The following TKTL2 variants were observed in gnomAD, a reference collection of about 807,000 sequenced individuals.
TKTL2 encodes the protein transketolase-like protein 2.
For synonymous variants in TKTL2, 259 were observed against 294.1 expected (o/e 0.88, Z 1.22); for missense variants, 825 against 799.4 (o/e 1.03, Z -0.39).
In TKTL2 at chr4:163,471,944, A is replaced by G. The variant is rs201179572; in HGVS notation, c.1791T>C (p.Pro597=). 6.2e-6 allele frequency: 10 copies of G among 1,609,392 alleles called. No homozygotes were observed. The Admixed American group carries it at 1.7e-4, about 27-fold the overall frequency. Reference sequence around the variant, plus strand: ...GCAATTCACTAGTTTTCCCACGTTGAGGCACTCCTGACACTGCCAGTTGAT... The same window carrying G: ...GCAATTCACTAGTTTTCCCACGTTGGGGCACTCCTGACACTGCCAGTTGAT... ...LVHQLAVSGV[P]QRGKTSELLD... Residue 597 remains proline (P), a synonymous_variant, in exon 1 of 1, where the codon CCT becomes CCC. Transcript: ENST00000280605.
rs139831361 is a variant in TKTL2, at chr4:163,473,290, G to A, written c.445C>T (p.Arg149Trp). Residue 149 changes from arginine to tryptophan, a missense_variant, in exon 1 of 1, where the codon CGG (arginine) becomes TGG (tryptophan). Arg to Trp is a moderately radical substitution (Grantham distance 101). Transcript: ENST00000280605. ...CCATCTCCCATAAGGCAGAACACCC[G>A]GTAGCTGGCCTTGTCAAGGTACTTG... ...TGKYLDKASY[R>W]VFCLMGDGES... 1.4e-5 allele frequency: 22 copies of A among 1,613,904 alleles called. 1 individual carries two copies. In the South Asian group the frequency reaches 2.0e-4, roughly 14 times the overall value.
At position 163,472,954 on chromosome 4, in the gene TKTL2, A is replaced by T; in HGVS notation, c.781T>A (p.Trp261Arg). ...TCTTTTGGCACTGGCTTTCCATGCC[A>T]ATTTTCTGCATCCTCAATATTTGGA... ...GIPNIEDAEN[W>R]HGKPVPKERA... The change falls in exon 1 of 1, where the codon TGG (tryptophan) becomes AGG (arginine). Residue 261 changes from tryptophan (W) to arginine (R), a missense_variant. By Grantham distance (101) the Trp-to-Arg change is moderately radical (BLOSUM62 -3). Transcript: ENST00000280605. The T allele has an allele frequency of 6.2e-7, 1 of 1,614,114 alleles. No individual in the cohort carries two copies. The highest frequency in any genetic ancestry group is 1.1e-5 in the South Asian group (1 of 91,060).
At position 163,471,408 on chromosome 4, in the gene TKTL2, T is replaced by C. The variant is rs2110747892; in HGVS notation, c.*446A>G. 6.6e-6 allele frequency: 1 copy of C among 152,618 alleles called. No individual in the cohort carries two copies. The highest frequency in any genetic ancestry group is 2.4e-5 in the African/African-American group (1 of 41,598). The allele number at this position is 152,618 out of a possible 1,614,324, so 9.5% of individuals were successfully genotyped here. A position where few individuals can be genotyped will look rare whatever the true frequency, so the allele number is the denominator to read the frequency against. ...TTATCTGTAAAACTGCAGGTATAAA[T>C]GGCATTATACAAAAGCTCAAACATC... On this transcript the variant is annotated 3_prime_UTR_variant, in exon 1 of 1. Transcript: ENST00000280605.
chr4:163,473,395 G>C lies in TKTL2; in HGVS notation c.340C>G (p.Pro114Ala), dbSNP rs762358941. 5.0e-6 allele frequency: 8 copies of C among 1,613,890 alleles called. No individual in the cohort carries two copies. Among genetic ancestry groups the C allele is most frequent in the Middle Eastern group, 1.6e-4 (1 of 6,062 alleles). The change falls in exon 1 of 1, where the codon CCC (proline) becomes GCC (alanine). Residue 114 changes from proline (P) to alanine (A), a missense_variant. Pro to Ala is a conservative substitution (Grantham distance 27, BLOSUM62 -1). Coordinates refer to ENST00000280605, the MANE Select transcript of TKTL2 (RefSeq NM_032136.5). ...GCCACGTCAACAAACGGCAATCGGG[G>C]GGTAGGGTGTCTCTCCAAGTCGCTG... The part of the protein sequence containing the change: ...LHSDLERHPT[P>A]RLPFVDVATG...
In TKTL2 at chr4:163,473,384, C is replaced by T. The variant is rs369284301; in HGVS notation, c.351G>A (p.Pro117=). ...DLERHPTPRL[P]FVDVATGSLG... ...GGGACCCTGTTGCCACGTCAACAAACGGCAATCGGGGGGTAGGGTGTCTCT... is the reference window on the plus strand; with the variant it reads ...GGGACCCTGTTGCCACGTCAACAAATGGCAATCGGGGGGTAGGGTGTCTCT... Residue 117 remains proline, a synonymous_variant, in exon 1 of 1, where the codon CCG becomes CCA. Transcript: ENST00000280605. 4.3e-6 allele frequency: 7 copies of T among 1,613,720 alleles called. No homozygotes were observed. In the Admixed American group the frequency reaches 5.0e-5, roughly 12 times the overall value.
Position 163,473,156 on chromosome 4 carries a change from A to G in TKTL2, c.579T>C (p.Pro193=). Residue 193 remains proline (P), a synonymous_variant, in exon 1 of 1, where the codon CCT becomes CCC. Coordinates refer to ENST00000280605, the MANE Select transcript of TKTL2 (RefSeq NM_032136.5). ...FDVNRLGQSG[P]APLEHGADIY... Reference sequence around the variant, plus strand: ...TGTCTGCGCCATGCTCAAGGGGTGCAGGGCCACTTTGTCCCAAGCGGTTCA... The same window carrying G: ...TGTCTGCGCCATGCTCAAGGGGTGCGGGGCCACTTTGTCCCAAGCGGTTCA... The G allele has an allele frequency of 1.9e-6, 3 of 1,614,028 alleles. No homozygotes were observed. In the Admixed American group the frequency reaches 5.0e-5, roughly 27 times the overall value.
In TKTL2 at chr4:163,472,560, G is replaced by A. The variant is rs374194544; in HGVS notation, c.1175C>T (p.Ala392Val). 8.7e-6 allele frequency: 14 copies of A among 1,614,142 alleles called. No individual in the cohort carries two copies. The East Asian group carries it at 2.9e-4, about 33-fold the overall frequency. ...TRGRTIAFAGAFAAFFTRAFD... is the reference protein window; with the variant it reads ...TRGRTIAFAGVFAAFFTRAFD... ...TGCTCTAGTAAAAAAGGCAGCAAAA[G>A]CACCAGCAAAAGCAATGGTTCGACC... The change falls in exon 1 of 1, where the codon GCT becomes GTT. Residue 392 changes from alanine to valine, a missense_variant. By Grantham distance (64) the Ala-to-Val change is moderately conservative. Coordinates refer to ENST00000280605, the MANE Select transcript of TKTL2 (RefSeq NM_032136.5).
rs1560904816 is a variant in TKTL2, at chr4:163,473,662, T to C, written c.73A>G (p.Ile25Val). ...VLRDTANRLR[I>V]HSIRATCASG... ...GCACACGTGGCCCTGATGGAATGGATCCGCAGGCGGTTGGCTGTGTCCCGC... is the reference window on the plus strand; with the variant it reads ...GCACACGTGGCCCTGATGGAATGGACCCGCAGGCGGTTGGCTGTGTCCCGC... Residue 25 changes from isoleucine (I) to valine (V), a missense_variant, in exon 1 of 1, where the codon ATC becomes GTC. Physicochemically the swap from Ile to Val is conservative, Grantham distance 29 (BLOSUM62 3). Coordinates refer to ENST00000280605, the MANE Select transcript of TKTL2 (RefSeq NM_032136.5). 2 of 1,614,108 alleles carry C rather than the reference T, an allele frequency of 1.2e-6. No individual in the cohort carries two copies. The highest frequency in any genetic ancestry group is 2.2e-5 in the South Asian group (2 of 91,078).
chr4:163,473,740 T>C lies in TKTL2; in HGVS notation c.-6A>G. ...TTGGCGTCGTTGGCCATCATCTCTC[T>C]TTTGTCGGTTTGGCAAAGCAAACGG... On this transcript the variant is annotated 5_prime_UTR_variant, in exon 1 of 1. Transcript: ENST00000280605. 6.3e-7 allele frequency: 1 copy of C among 1,591,156 alleles called. No individual in the cohort carries two copies. The highest frequency in any genetic ancestry group is 2.2e-5 in the East Asian group (1 of 44,504).
In TKTL2 at chr4:163,472,297, C is replaced by G. The variant is rs1258404842; in HGVS notation, c.1438G>C (p.Glu480Gln). The G allele has an allele frequency of 6.2e-7, 1 of 1,607,684 alleles. No individual in the cohort carries two copies. Among genetic ancestry groups the G allele is most frequent in the Admixed American group, 1.7e-5 (1 of 59,338 alleles). ...GMCFIRTSQP[E>Q]TAVIYTPQEN... is the part of the protein sequence containing the mutation. ...TGTGGGGTATAAATAACTGCAGTTTCTGGTTGGCTGGTTCGAATGAAGCAC... is the reference window on the plus strand; with the variant it reads ...TGTGGGGTATAAATAACTGCAGTTTGTGGTTGGCTGGTTCGAATGAAGCAC... The change falls in exon 1 of 1, where the codon GAA becomes CAA. Residue 480 changes from glutamate to glutamine, a missense_variant. Transcript: ENST00000280605.
Position 163,472,328 on chromosome 4 carries a change from C to T in TKTL2, c.1407G>A (p.Lys469=). 5.6e-6 allele frequency: 9 copies of T among 1,603,062 alleles called. No homozygotes were observed. Among genetic ancestry groups the T allele is most frequent in the Non-Finnish European group, 6.8e-6 (8 of 1,174,800 alleles). The change falls in exon 1 of 1, where the codon AAG becomes AAA. Residue 469 remains lysine, a synonymous_variant. Coordinates refer to ENST00000280605, the MANE Select transcript of TKTL2 (RefSeq NM_032136.5). ...GGCTGGTTCGAATGAAGCACATTCC[C>T]TTGGTATTGGCGGCTAGATAAATAG... ...EHAIYLAANT[K]GMCFIRTSQP... is the part of the protein sequence containing the mutation.
chr4:163,473,059 A>C lies in TKTL2; in HGVS notation c.676T>G (p.Cys226Gly). ...TGACTTGCTTGCCAAAATGCTTGGC[A>C]CAAGGCCTCCACATCATGGCCATCC... ...LVDGHDVEAL[C>G]QAFWQASQVK... Residue 226 changes from cysteine to glycine, a missense_variant, in exon 1 of 1, where the codon TGC becomes GGC. Cys to Gly is a radical substitution (Grantham distance 159). Coordinates refer to ENST00000280605, the MANE Select transcript of TKTL2 (RefSeq NM_032136.5). 6.2e-7 allele frequency: 1 copy of C among 1,614,182 alleles called. No homozygotes were observed. The highest frequency in any genetic ancestry group is 1.6e-4 in the Middle Eastern group (1 of 6,062).
chr4:163,472,737 C>A lies in TKTL2; in HGVS notation c.998G>T (p.Gly333Val). The A allele has an allele frequency of 6.2e-7, 1 of 1,602,466 alleles. No homozygotes were observed. Reference sequence around the variant, plus strand: ...AACAATAACTCTTTCATTTGCACGGCCCAGTTTAGCCAGAGCCAAACCATA... The same window carrying A: ...AACAATAACTCTTTCATTTGCACGGACCAGTTTAGCCAGAGCCAAACCATA... ...KTYGLALAKL[G>V]RANERVIVLS... Residue 333 changes from glycine to valine, a missense_variant, in exon 1 of 1, where the codon GGC (glycine) becomes GTC (valine). Gly to Val is a moderately radical substitution (Grantham distance 109, BLOSUM62 -3). Transcript: ENST00000280605.
At position 163,472,573 on chromosome 4, in the gene TKTL2, C is replaced by A. The variant is rs772758214; in HGVS notation, c.1162G>T (p.Ala388Ser). ...AAGGCAGCAAAAGCACCAGCAAAAG[C>A]AATGGTTCGACCACGTGTAGCACAG... ...LGCATRGRTIAFAGAFAAFFT... is the reference protein window; with the variant it reads ...LGCATRGRTISFAGAFAAFFT... Residue 388 changes from alanine to serine, a missense_variant, in exon 1 of 1, where the codon GCT (alanine) becomes TCT (serine). Ala to Ser is a moderately conservative substitution (Grantham distance 99). Transcript: ENST00000280605. The A allele has an allele frequency of 3.1e-6, 5 of 1,614,172 alleles. No homozygotes were observed. The highest frequency in any genetic ancestry group is 4.2e-6 in the Non-Finnish European group (5 of 1,180,036).
rs745857554 is a variant in TKTL2, at chr4:163,473,547, T to C, written c.188A>G (p.Asp63Gly). The C allele has an allele frequency of 3.1e-6, 5 of 1,603,902 alleles. No homozygotes were observed. In the East Asian group the frequency reaches 6.7e-5, roughly 21 times the overall value. The change falls in exon 1 of 1, where the codon GAC (aspartate) becomes GGC (glycine). Residue 63 changes from aspartate (D) to glycine (G), a missense_variant. Transcript: ENST00000280605. ...FFHTMKYKQT[D>G]PEHPDNDRFI... is the part of the protein sequence containing the mutation. ...CCGGTCGTTGTCCGGGTGTTCTGGG[T>C]CTGTCTGTTTATACTTCATCGTGTG...
rs73866704 is a variant in TKTL2 at position 163,473,339 on chromosome 4, A to G, written c.396T>C (p.Thr132=). The G allele has an allele frequency of 1.4e-3, 2,321 of 1,614,052 alleles. 36 individuals carry two copies. In the African/African-American group the frequency reaches 0.027, roughly 19 times the overall value. Residue 132 remains threonine, a synonymous_variant, in exon 1 of 1, where the codon ACT becomes ACC. Transcript: ENST00000280605. ...TGCCAGTATAAGCCATTCCACATGC[A>G]GTACCTAATCCCTGACCTAGGGACC... ...ATGSLGQGLG[T]ACGMAYTGKY...
chr4:163,472,377 C>A lies in TKTL2; in HGVS notation c.1358G>T (p.Ser453Ile). 1 of 1,602,954 alleles carries A rather than the reference C, an allele frequency of 6.2e-7. No individual in the cohort carries two copies. ...SIPNCTVFYP[S>I]DAISTEHAIY... is the part of the protein sequence containing the mutation. ...AGCATGCTCTGTCGAGATGGCATCA[C>A]TTGGATAGAAAACAGTACAATTGGG... Residue 453 changes from serine (S) to isoleucine (I), a missense_variant, in exon 1 of 1, where the codon AGT becomes ATT. Transcript: ENST00000280605.
In TKTL2 at chr4:163,472,589, T is replaced by C. The variant is rs774732273; in HGVS notation, c.1146A>G (p.Thr382=). ...CAGCAAAAGCAATGGTTCGACCACG[T>C]GTAGCACAGCCTAGTGCCACACTTA... ...NMVSVALGCA[T]RGRTIAFAGA... Residue 382 remains threonine, a synonymous_variant, in exon 1 of 1, where the codon ACA becomes ACG. Coordinates refer to ENST00000280605, the MANE Select transcript of TKTL2 (RefSeq NM_032136.5). The C allele has an allele frequency of 1.2e-6, 2 of 1,614,218 alleles. No homozygotes were observed. Among genetic ancestry groups the C allele is most frequent in the Non-Finnish European group, 1.7e-6 (2 of 1,180,042 alleles).
At position 163,473,375 on chromosome 4, in the gene TKTL2, G is replaced by T; in HGVS notation, c.360C>A (p.Asp120Glu). The T allele has an allele frequency of 6.2e-7, 1 of 1,613,890 alleles. No homozygotes were observed. Residue 120 changes from aspartate (D) to glutamate (E), a missense_variant, in exon 1 of 1, where the codon GAC becomes GAA. Asp to Glu is a conservative substitution (Grantham distance 45, BLOSUM62 2). Coordinates refer to ENST00000280605, the MANE Select transcript of TKTL2 (RefSeq NM_032136.5). ...CCTGACCTAGGGACCCTGTTGCCAC[G>T]TCAACAAACGGCAATCGGGGGGTAG... ...RHPTPRLPFV[D>E]VATGSLGQGL...
Sources: gnomAD v4.1 joint callset for allele counts on GRCh38, gnomAD v4.1.1 for gene constraint, MANE v1.5 for transcripts, NCBI Gene and HGNC (gene_info 2026-07-23, HGNC 2026-07-21) for gene names.